The following PTPRJ variants were observed in gnomAD, a reference collection of about 807,000 sequenced individuals.
PTPRJ encodes the protein protein tyrosine phosphatase receptor type J, also known as receptor-type tyrosine-protein phosphatase eta.
Under a neutral mutation model 141.3 loss-of-function variants are expected in PTPRJ, and 129 were observed. The ratio of observed to expected loss-of-function variants is 0.91; its 90% CI spans 0.79 to 1.06. The LOEUF is 1.06. Among genes scored for constraint, PTPRJ ranks in the 50% least tolerant of loss-of-function variants. The probability of loss-of-function intolerance (pLI) is 0.00; values close to 1 mark genes in which losing one functional copy is unlikely to be tolerated. For missense variants in PTPRJ, 1,601 were observed against 1,679.7 expected (o/e 0.95, Z 0.82); for synonymous variants, 610 against 640.5 (o/e 0.95, Z 0.72).
chr11:48,032,912 G>C (rs1854021135), intron 1 of PTPRJ, among the ~76,000 whole-genome samples: 1 of 152,104 alleles, frequency 6.6e-6, no homozygotes, highest in Admixed American at 6.5e-5. Context: ...GTGGAAGAGA[G>C]ACAAATATAG....
chr11:47,991,245 C>A (rs149734772), intron 1 of PTPRJ, among the ~76,000 whole-genome samples: 7 of 152,160 alleles, frequency 4.6e-5, no homozygotes, highest in African/African-American at 1.7e-4. Flanking sequence ...ATTCCTAGCC[C>A]CGAAGGAGCA....
chr11:48,115,721 T>A (rs974348892), intron 3 of PTPRJ, among the ~76,000 whole-genome samples: 1 of 152,104 alleles, frequency 6.6e-6, no homozygotes, highest in African/African-American at 2.4e-5. Flanking sequence ...AAATAATAAC[T>A]ACAATAACTT....
chr11:48,021,404 TAAATAAATAAATAAATA>T (rs1399493770), intron 1 of PTPRJ, among the ~76,000 whole-genome samples: 2,131 of 121,706 alleles, frequency 0.018, 65 homozygotes, highest in African/African-American at 0.088. Context: ...AATAAATAAA[TAAATAAATAAATAAATA>T]AAATAAAATA....
intron 3 of PTPRJ, among the ~76,000 whole-genome samples, chr11:48,113,614 CTG>C (rs1378771914): frequency 6.6e-6 from 1 of 152,106 alleles, no homozygotes; most frequent in African/African-American, 2.4e-5. Context: ...GATTCTAAAA[CTG>C]TGGTTCAGAG....
chr11:48,118,042 A>G (rs1252688669), intron 3 of PTPRJ, among the ~76,000 whole-genome samples: 1 of 152,224 alleles, frequency 6.6e-6, no homozygotes, highest in African/African-American at 2.4e-5. Context: ...ATAATGAGTT[A>G]GGAGATTGAA....
intron 1 of PTPRJ, among the ~76,000 whole-genome samples, chr11:48,046,530 G>A (rs917014706): frequency 2.6e-5 from 4 of 152,124 alleles, no homozygotes; most frequent in Non-Finnish European, 5.9e-5. Context: ...GGCTTTGGTG[G>A]ATGAGACTGA....
intron 3 of PTPRJ, among the ~76,000 whole-genome samples, chr11:48,114,134 G>A (rs954602976): frequency 5.9e-5 from 9 of 152,098 alleles, no homozygotes; most frequent in Non-Finnish European, 1.0e-4. Flanking sequence ...GGTAATATGA[G>A]AAACTTTTAG....
chr11:48,003,252 C>T (rs943378031), intron 1 of PTPRJ, among the ~76,000 whole-genome samples: 1 of 152,140 alleles, frequency 6.6e-6, no homozygotes, highest in Non-Finnish European at 1.5e-5. Flanking sequence ...GCCAATTTTT[C>T]ACCATTACAA....
chr11:48,040,631 G>T (rs1416376721), intron 1 of PTPRJ, among the ~76,000 whole-genome samples: 1 of 126,478 alleles, frequency 7.9e-6, no homozygotes, highest in Non-Finnish European at 1.5e-5. Context: ...TTTTTTTTGA[G>T]ACGGAGTCTT....
At chr11:48,058,912 C>A (rs558901665) in intron 1 of PTPRJ, among the ~76,000 whole-genome samples, 1 of 152,238 alleles carries the variant, frequency 6.6e-6, no homozygotes, top group East Asian at 1.9e-4. Flanking sequence ...GCCCCCTCTG[C>A]AGAGCCACAC....
At chr11:48,122,472 G>A (rs1856729322) in intron 4 of PTPRJ, among the ~76,000 whole-genome samples, 1 of 152,204 alleles carries the variant, frequency 6.6e-6, no homozygotes, top group Non-Finnish European at 1.5e-5. Context: ...CGGCACATGT[G>A]CCTCTCTGTC....
At chr11:48,083,192 G>A (rs759237618) in intron 1 of PTPRJ, among the ~76,000 whole-genome samples, 2 of 152,192 alleles carry the variant, frequency 1.3e-5, no homozygotes, top group Non-Finnish European at 2.9e-5. Flanking sequence ...TTTGGAGGCC[G>A]AGGTGGGTGG....
chr11:48,122,909 C>T (rs188130716), intron 4 of PTPRJ, among the ~76,000 whole-genome samples: 1 of 152,246 alleles, frequency 6.6e-6, no homozygotes, highest in Admixed American at 6.5e-5. Flanking sequence ...AGCTGCAGCC[C>T]TGGGTTCTCC....
chr11:48,140,043 T>A lies in PTPRJ; in HGVS notation c.2443+267T>A, dbSNP rs2134364005. On this transcript the variant is annotated intron_variant, in intron 11 of 24. Transcript: ENST00000418331. ...TGCCTCATTGCCATGTTTTCTTTTA[T>A]ATTTTTTTGAGATGGAGTCTTGCTC... 1.3e-5 allele frequency among the ~76,000 whole-genome samples: 2 copies of A among 152,340 alleles called. 1 individual carries two copies. The highest frequency in any genetic ancestry group is 1.3e-4 in the Admixed American group (2 of 15,300).
At chr11:48,016,731 T>A (rs1854958672) in intron 1 of PTPRJ, among the ~76,000 whole-genome samples, 1 of 152,156 alleles carries the variant, frequency 6.6e-6, no homozygotes, top group African/African-American at 2.4e-5. Flanking sequence ...TAACCACATG[T>A]GCCTGTGTGC....
At chr11:47,986,077 ATCCT>A (rs1854044211) in intron 1 of PTPRJ, among the ~76,000 whole-genome samples, 1 of 152,210 alleles carries the variant, frequency 6.6e-6, no homozygotes, top group Admixed American at 6.5e-5. Context: ...ATCCCTCTTC[ATCCT>A]TCCAAGTAGC....
At chr11:48,143,304 C>T (rs1476918553) in intron 12 of PTPRJ, among the ~76,000 whole-genome samples, 1 of 152,168 alleles carries the variant, frequency 6.6e-6, no homozygotes, top group Non-Finnish European at 1.5e-5. Flanking sequence ...TCGACTCTGC[C>T]ATTGTAGTGT....
chr11:48,128,834 A>C (rs763410548), intron 7 of PTPRJ, among the ~76,000 whole-genome samples: 1 of 152,230 alleles, frequency 6.6e-6, no homozygotes, highest in Non-Finnish European at 1.5e-5. Context: ...GGCTTATCCC[A>C]CAAGAATGTC....
intron 1 of PTPRJ, among the ~76,000 whole-genome samples, chr11:47,990,673 A>C (rs1286716684): frequency 1.3e-5 from 2 of 150,880 alleles, no homozygotes; most frequent in Non-Finnish European, 2.9e-5. Context: ...TGGCCTCCCA[A>C]AGTGTTGGGA....
Sources: allele counts gnomAD v4.1 joint callset (sites outside exome capture counted in the v4.1 genomes callset), GRCh38; gene constraint gnomAD v4.1.1; transcripts MANE v1.5; gene names NCBI Gene and HGNC (gene_info 2026-07-23, HGNC 2026-07-21).